The following RNF220 variants were observed in gnomAD, a reference collection of about 807,000 sequenced individuals.
The protein encoded by RNF220 is ring finger protein 220, also known as E3 ubiquitin-protein ligase RNF220.
In RNF220, 7 loss-of-function variants were observed where a neutral mutation model predicts 67.1. The ratio of observed to expected loss-of-function variants is 0.10; its 90% CI spans 0.06 to 0.20. RNF220 has a LOEUF of 0.20. Ranked by LOEUF, RNF220 falls within the 10% of genes least tolerant of loss-of-function variation. The pLI is 1.00. For synonymous variants in RNF220, 270 were observed against 283.2 expected, an observed-to-expected ratio of 0.95 and a Z score of 0.47; for missense variants, 565 against 740.3, an observed-to-expected ratio of 0.76 and a Z score of 2.75.
intron 2 of RNF220, among the ~76,000 whole-genome samples, chr1:44,413,473 G>T (rs1648200814): frequency 1.3e-5 from 2 of 152,282 alleles, no homozygotes; most frequent in South Asian, 4.1e-4. Flanking sequence ...CAAGTGCCTT[G>T]TTGGGCTCTG....
chr1:44,448,213 C>T (rs1185780739), intron 2 of RNF220, among the ~76,000 whole-genome samples: 4 of 152,210 alleles, frequency 2.6e-5, no homozygotes, highest in Admixed American at 6.5e-5. Context: ...GCACGAGAAT[C>T]GCTCGAACCT....
chr1:44,636,244 G>A (rs1644325045), intron 8 of RNF220, 82 bp downstream of exon 8: 4 of 1,544,232 alleles, frequency 2.6e-6, no homozygotes, highest in East Asian at 4.5e-5. Context: ...CCAAGAGGCC[G>A]AGGCTGGTGG....
chr1:44,582,468 C>A (rs774992349), intron 2 of RNF220, among the ~76,000 whole-genome samples: 3 of 152,048 alleles, frequency 2.0e-5, no homozygotes, highest in African/African-American at 7.2e-5. Context: ...CAAGAAGAAG[C>A]GAGTGGTGCC....
intron 2 of RNF220, among the ~76,000 whole-genome samples, chr1:44,530,837 C>G (rs377565390): frequency 6.6e-6 from 1 of 152,088 alleles, no homozygotes; most frequent in Non-Finnish European, 1.5e-5. Flanking sequence ...GTGGTGCACT[C>G]CTGTAATCCC....
intron 2 of RNF220, among the ~76,000 whole-genome samples, chr1:44,484,900 T>G (rs1656145875): frequency 6.6e-6 from 1 of 152,136 alleles, no homozygotes. Context: ...TCCCAGCACT[T>G]CGGGAGGCCA....
intron 2 of RNF220, among the ~76,000 whole-genome samples, chr1:44,513,533 G>A (rs1165354834): frequency 6.6e-6 from 1 of 152,210 alleles, no homozygotes; most frequent in Non-Finnish European, 1.5e-5. Context: ...GAGCGAAAGT[G>A]AGTGCAGATT....
At chr1:44,490,833 C>T (rs1572663425) in intron 2 of RNF220, among the ~76,000 whole-genome samples, 2 of 151,830 alleles carry the variant, frequency 1.3e-5, no homozygotes, top group East Asian at 3.9e-4. Context: ...AATTGAAAAA[C>T]CATTAGCTAG....
chr1:44,632,087 C>T (rs1343870498), intron 5 of RNF220: 2 of 1,275,396 alleles, frequency 1.6e-6, no homozygotes, highest in Non-Finnish European at 2.0e-6. Context: ...CCCAGAGCGC[C>T]GGAGGCCAGG....
chr1:44,626,487 C>A, intron 5 of RNF220, 89 bp downstream of exon 5: 1 of 1,012,244 alleles, frequency 9.9e-7, no homozygotes, highest in Non-Finnish European at 1.5e-6. Flanking sequence ...CTCCTCTCCT[C>A]TGTAGGCCAC....
intron 2 of RNF220, among the ~76,000 whole-genome samples, chr1:44,563,431 A>G (rs551190079): frequency 1.3e-5 from 2 of 152,270 alleles, no homozygotes; most frequent in South Asian, 4.1e-4. Flanking sequence ...CTTGGCCCTG[A>G]TGGTACCTGT....
intron 3 of RNF220, among the ~76,000 whole-genome samples, chr1:44,615,742 G>A (rs1643519413): frequency 6.6e-6 from 1 of 152,234 alleles, no homozygotes; most frequent in Non-Finnish European, 1.5e-5. Flanking sequence ...GGCTTCCTCA[G>A]AAGGTAAGGC....
At chr1:44,446,804 A>G (rs1054262415) in intron 2 of RNF220, among the ~76,000 whole-genome samples, 9 of 152,134 alleles carry the variant, frequency 5.9e-5, no homozygotes, top group African/African-American at 2.2e-4. Context: ...TGATCTGCCC[A>G]CCTCGGCCTC....
At chr1:44,533,754 G>A (rs1661003281) in intron 2 of RNF220, among the ~76,000 whole-genome samples, 1 of 152,216 alleles carries the variant, frequency 6.6e-6, no homozygotes, top group African/African-American at 2.4e-5. Flanking sequence ...GCAGGAGATA[G>A]CACCTGACCC....
chr1:44,474,289 C>T (rs565441596), intron 2 of RNF220, among the ~76,000 whole-genome samples: 5 of 151,678 alleles, frequency 3.3e-5, no homozygotes, highest in South Asian at 2.1e-4. Context: ...GCAGGAGAAT[C>T]GCTTGAACCC....
At chr1:44,493,815 A>G (rs1442861518) in intron 2 of RNF220, among the ~76,000 whole-genome samples, 1 of 152,120 alleles carries the variant, frequency 6.6e-6, no homozygotes, top group Non-Finnish European at 1.5e-5. Context: ...CCACCTCAAA[A>G]AAAAGTAAAA....
At chr1:44,631,508 G>A (rs1267740587) in intron 5 of RNF220, among the ~76,000 whole-genome samples, 1 of 152,248 alleles carries the variant, frequency 6.6e-6, no homozygotes. Context: ...CATGTTGGCC[G>A]TGTGGGTATG....
At chr1:44,561,673 T>C (rs1011939475) in intron 2 of RNF220, among the ~76,000 whole-genome samples, 2 of 152,064 alleles carry the variant, frequency 1.3e-5, no homozygotes, top group Non-Finnish European at 2.9e-5. Flanking sequence ...TCCCAGCATT[T>C]TGGGAGACTG....
intron 2 of RNF220, among the ~76,000 whole-genome samples, chr1:44,420,895 T>G (rs755608582): frequency 6.6e-6 from 1 of 152,236 alleles, no homozygotes; most frequent in Admixed American, 6.5e-5. Context: ...AAGGACAATC[T>G]GGTGGTAAAA....
intron 6 of RNF220, 57 bp downstream of exon 6, chr1:44,632,442 T>TACCCCCGGCCTCCTCC: frequency 9.8e-7 from 1 of 1,017,058 alleles, no homozygotes; most frequent in Non-Finnish European, 1.2e-6. Flanking sequence ...CCTCCCTCCC[T>TACCCCCGGCCTCCTCC]CACTGCCTGC....
Sources: allele counts gnomAD v4.1 joint callset (sites outside exome capture counted in the v4.1 genomes callset), GRCh38; gene constraint gnomAD v4.1.1; transcripts MANE v1.5; gene names NCBI Gene and HGNC (gene_info 2026-07-23, HGNC 2026-07-21).